ELFN1: variants seen among roughly 807,000 people sequenced by gnomAD.
ELFN1 encodes the protein extracellular leucine rich repeat and fibronectin type III domain containing 1.
Under a neutral mutation model 7.6 loss-of-function variants are expected in ELFN1, and 6 were observed. The ratio of observed to expected loss-of-function variants is 0.79; its 90% confidence interval spans 0.43 to 1.56. ELFN1 has a LOEUF of 1.56. Ranked by LOEUF, ELFN1 falls within the 40% of genes most tolerant of loss-of-function variation. The pLI, the probability that ELFN1 is intolerant of heterozygous loss-of-function variation, is 0.01. For synonymous variants in ELFN1, 657 were observed against 588.1 expected (o/e 1.12, Z -1.70); for missense variants, 1,169 against 1,232.2 (o/e 0.95, Z 0.77).
rs1311487390 is a variant in ELFN1, at chr7:1,745,291, T to A, written c.695T>A (p.Leu232Gln). 6.5e-7 allele frequency: 1 copy of A among 1,538,558 alleles called. No individual in the cohort carries two copies. Among genetic ancestry groups the A allele is most frequent in the Non-Finnish European group, 8.7e-7 (1 of 1,146,832 alleles). The change falls in exon 4 of 4, where the codon CTG becomes CAG. Residue 232 changes from leucine (L) to glutamine (Q), a missense_variant. Physicochemically the swap from Leu to Gln is moderately radical, Grantham distance 113 (BLOSUM62 -2). Coordinates refer to ENST00000424383, the MANE Select transcript of ELFN1 (RefSeq NM_001128636.4). ...CCCGTCTACTCCGGCTACTACCTCCTGGGCCAGGGCCGCCGCGGCCACCGC... is the reference window on the plus strand; with the variant it reads ...CCCGTCTACTCCGGCTACTACCTCCAGGGCCAGGGCCGCCGCGGCCACCGC... The part of the protein sequence containing the change: ...SPPVYSGYYL[L>Q]GQGRRGHRSI...
chr7:1,698,664 A>G (rs1268440235), intron 2 of ELFN1, among the ~76,000 whole-genome samples: 1 of 152,240 alleles, frequency 6.6e-6, no homozygotes, highest in Non-Finnish European at 1.5e-5. Flanking sequence ...AAAACAGGAG[A>G]TGTAAACTGT....
At chr7:1,711,612 GA>G (rs1562369917) in intron 3 of ELFN1, among the ~76,000 whole-genome samples, 32 of 150,294 alleles carry the variant, frequency 2.1e-4, no homozygotes, top group African/African-American at 7.7e-4. Flanking sequence ...GAGAGAGAGA[GA>G]GAGAGAGAGA....
Position 1,747,710 on chromosome 7 carries a change from G to T in ELFN1, c.*627G>T. ...CTGGAGCCCTGCTGGACTCAGGGTG[G>T]GTGGAGGCTGTGCCTGTGGACGGCC... On this transcript the variant is annotated 3_prime_UTR_variant, in exon 4 of 4. Transcript: ENST00000424383. The T allele has an allele frequency of 6.1e-6, 1 of 165,142 alleles. No individual in the cohort carries two copies. 10.2% of individuals were successfully genotyped at this position (165,142 alleles called of 1,614,324 possible). A position where few individuals can be genotyped will look rare whatever the true frequency, so the allele number is the denominator to read the frequency against.
rs1277975040 is a variant in ELFN1, at chr7:1,727,958, G to T, written c.-293-16346G>T. On this transcript the variant is annotated intron_variant, in intron 3 of 3. Transcript: ENST00000424383. ...TTGGACTTTTGAATGCCCAGGGAAT[G>T]GGCCTTCTCTCCACCCTGTGTGCAG... Among the ~76,000 whole-genome samples the T allele has an allele frequency of 2.0e-5, 3 of 152,160 alleles. No homozygotes were observed. The East Asian group carries it at 5.8e-4, about 29-fold the overall frequency.
At chr7:1,706,970 G>T (rs754693967) in intron 2 of ELFN1, among the ~76,000 whole-genome samples, 1 of 152,036 alleles carries the variant, frequency 6.6e-6, no homozygotes, top group Non-Finnish European at 1.5e-5. Flanking sequence ...CTCTGTGTGC[G>T]CATGCATGAG....
At chr7:1,678,514 G>A (rs913930598) in intron 1 of ELFN1, among the ~76,000 whole-genome samples, 7 of 152,182 alleles carry the variant, frequency 4.6e-5, no homozygotes, top group Admixed American at 6.5e-5. Flanking sequence ...CCAGGCTCAC[G>A]GCTCACATGT....
At chr7:1,669,267 C>G (rs1373751238), upstream of ELFN1, among the ~76,000 whole-genome samples, 1 of 152,232 alleles carries the variant, frequency 6.6e-6, no homozygotes, top group East Asian at 1.9e-4. Context: ...GTTGAATTGC[C>G]CAGCTGCTGG....
Position 1,700,547 on chromosome 7 carries a change from A to G in ELFN1, c.-455-8544A>G, listed in dbSNP as rs572176749. Among the ~76,000 whole-genome samples, 8 of 152,262 alleles carry G rather than the reference A, an allele frequency of 5.3e-5. No individual in the cohort carries two copies. In the South Asian group the frequency reaches 1.7e-3, roughly 32 times the overall value. ...TGCTTGGTGCTGGTTCATTCTCATC[A>G]CTGAAGCGTGTGCTGTCCTAAGAGG... On this transcript the variant is annotated intron_variant, in intron 2 of 3. Coordinates refer to ENST00000424383, the MANE Select transcript of ELFN1 (RefSeq NM_001128636.4).
chr7:1,742,297 C>T (rs1028582001), intron 3 of ELFN1: 21 of 152,386 alleles, frequency 1.4e-4, no homozygotes, highest in African/African-American at 4.3e-4. Flanking sequence ...CCTGTGCGGC[C>T]GCTGGCCAGA....
At chr7:1,712,110 CCTCT>C (rs927417288) in intron 3 of ELFN1, among the ~76,000 whole-genome samples, 1 of 152,334 alleles carries the variant, frequency 6.6e-6, no homozygotes, top group Non-Finnish European at 1.5e-5. Flanking sequence ...ACGGGCCTTC[CCTCT>C]CTGTGTCTTT....
chr7:1,735,276 T>C lies in ELFN1; in HGVS notation c.-293-9028T>C, dbSNP rs115851234. Among the ~76,000 whole-genome samples, 1,261 of 152,260 alleles carry C rather than the reference T, an allele frequency of 8.3e-3. 30 individuals are homozygous for C. Among genetic ancestry groups the C allele is most frequent in the African/African-American group, 0.029 (1,194 of 41,546 alleles). On this transcript the variant is annotated intron_variant, in intron 3 of 3. Coordinates refer to ENST00000424383, the MANE Select transcript of ELFN1 (RefSeq NM_001128636.4). The surrounding 1 kb of genome is among the most constrained non-coding windows in gnomAD (Gnocchi z 5.9). The stretch of plus-strand genomic sequence containing the variant: ...CTTGGGGGCAGGGCAGGGGGAGCCC[T>C]GCAGCTTCCATGAGTCGTGTGGATG...
intron 1 of ELFN1, among the ~76,000 whole-genome samples, chr7:1,676,701 G>A (rs1302176968): frequency 6.6e-6 from 1 of 152,230 alleles, no homozygotes; most frequent in Non-Finnish European, 1.5e-5. Flanking sequence ...GGAAGGGAGA[G>A]CAGGTGTAAT....
At chr7:1,737,567 C>T (rs1780484516) in intron 3 of ELFN1, among the ~76,000 whole-genome samples, 1 of 152,206 alleles carries the variant, frequency 6.6e-6, no homozygotes, top group South Asian at 2.1e-4. Flanking sequence ...GCTTCAGACT[C>T]CGTCCTTTTG....
At chr7:1,700,259 G>A (rs930807748) in intron 2 of ELFN1, among the ~76,000 whole-genome samples, 12 of 152,258 alleles carry the variant, frequency 7.9e-5, no homozygotes, top group East Asian at 5.8e-4. Context: ...AATAACCACC[G>A]TGTGAACTTT....
At chr7:1,683,588 C>T (rs908061139) in intron 1 of ELFN1, among the ~76,000 whole-genome samples, 2 of 152,150 alleles carry the variant, frequency 1.3e-5, no homozygotes, top group African/African-American at 4.8e-5. Context: ...TCTTCTCTGT[C>T]CTTGCTGGTT....
At position 1,705,295 on chromosome 7, in the gene ELFN1, A is replaced by G. The variant is rs1024074933; in HGVS notation, c.-455-3796A>G. ...CACCTCGCTAAACAATCATTGCACAAAATATGCAAATGGTATAATTACTGT... is the reference window on the plus strand; with the variant it reads ...CACCTCGCTAAACAATCATTGCACAGAATATGCAAATGGTATAATTACTGT... On this transcript the variant is annotated intron_variant, in intron 2 of 3. Transcript: ENST00000424383. The surrounding 1 kb of genome is among the most constrained non-coding windows in gnomAD (Gnocchi z 4.3). Among the ~76,000 whole-genome samples, 2 of 152,244 alleles carry G rather than the reference A, an allele frequency of 1.3e-5. No individual in the cohort carries two copies. Among genetic ancestry groups the G allele is most frequent in the African/African-American group, 4.8e-5 (2 of 41,472 alleles).
At chr7:1,741,460 A>G (rs1780611660) in intron 3 of ELFN1, among the ~76,000 whole-genome samples, 1 of 152,152 alleles carries the variant, frequency 6.6e-6, no homozygotes, top group African/African-American at 2.4e-5. Context: ...CTCATCACAC[A>G]GGCTCCCCAG....
In ELFN1 at chr7:1,747,266, T is replaced by C; in HGVS notation, c.*183T>C. On this transcript the variant is annotated 3_prime_UTR_variant, in exon 4 of 4. Coordinates refer to ENST00000424383, the MANE Select transcript of ELFN1 (RefSeq NM_001128636.4). ...ACACGTCCCGAGCTCCTGTGGCCGG[T>C]CCTGGGATGCGCTTGTCGCCCCGGG... 1 of 577,706 alleles carries C rather than the reference T, an allele frequency of 1.7e-6. No homozygotes were observed. The highest frequency in any genetic ancestry group is 2.7e-6 in the Non-Finnish European group (1 of 370,584). 35.8% of individuals were successfully genotyped at this position (577,706 alleles called of 1,614,324 possible). A position where few individuals can be genotyped will look rare whatever the true frequency, so the allele number is the denominator to read the frequency against.
At chr7:1,743,368 G>A (rs1468337439) in intron 3 of ELFN1, among the ~76,000 whole-genome samples, 8 of 152,168 alleles carry the variant, frequency 5.3e-5, no homozygotes, top group Admixed American at 3.3e-4. Context: ...CAGGGACCTC[G>A]GAGCTGTCCC....
Sources: gnomAD v4.1 joint callset for allele counts (sites outside exome capture counted in the v4.1 genomes callset) on GRCh38, gnomAD v4.1.1 for gene constraint, Gnocchi (gnomAD v3.1) non-coding constraint, MANE v1.5 for transcripts, NCBI Gene and HGNC (gene_info 2026-07-23, HGNC 2026-07-21) for gene names.